ECSCR: variants seen among roughly 807,000 people sequenced by gnomAD.
ECSCR encodes the protein endothelial cell surface expressed chemotaxis and apoptosis regulator.
A neutral mutation model predicts 16.7 loss-of-function variants in ECSCR; 12 were observed. That is an observed-to-expected ratio of 0.72 (90% CI 0.46 to 1.17). The LOEUF (loss-of-function observed/expected upper bound fraction) is 1.17, where lower values mean the gene tolerates loss of function less well. Ranked by LOEUF, ECSCR falls within the 50% of genes most tolerant of loss-of-function variation. The pLI, the probability that ECSCR is intolerant of heterozygous loss-of-function variation, is 0.00. For synonymous variants in ECSCR, 44 were observed against 42.2 expected (o/e 1.04, Z -0.17); for missense variants, 122 against 116.1 (o/e 1.05, Z -0.23).
rs147581527 is a variant in ECSCR at position 139,458,771 on chromosome 5, G to A, written c.62-588C>T. Among the ~76,000 whole-genome samples the A allele has an allele frequency of 8.1e-3, 1,226 of 151,156 alleles. 18 individuals are homozygous for A. The highest frequency in any genetic ancestry group is 0.028 in the African/African-American group (1,170 of 41,130). On this transcript the variant is annotated intron_variant, in intron 1 of 9. Transcript: ENST00000618155. ...TGAGGCATGAGAATCGCTTGAACCCGGGAGGTAGAGGTTGCAGTGAGCTGA... is the reference window on the plus strand; with the variant it reads ...TGAGGCATGAGAATCGCTTGAACCCAGGAGGTAGAGGTTGCAGTGAGCTGA...
At chr5:139,459,298 G>A (rs1045688170) in intron 1 of ECSCR, among the ~76,000 whole-genome samples, 26 of 152,116 alleles carry the variant, frequency 1.7e-4, no homozygotes, top group African/African-American at 6.0e-4. Context: ...TTGCCTAGAG[G>A]TAGGGGCCTG....
At position 139,458,034 on chromosome 5, in the gene ECSCR, G is replaced by A. The variant is rs748015510; in HGVS notation, c.106+105C>T. On this transcript the variant is annotated intron_variant, in intron 2 of 9. Coordinates refer to ENST00000618155, the MANE Select transcript of ECSCR (RefSeq NM_001077693.4). ...TCCTGAGAGCTCCCGCTCCAGCTGC[G>A]GCCCCAGCCCCCTGAGGTTAAGGCT... 48 of 1,323,094 alleles carry A rather than the reference G, an allele frequency of 3.6e-5. 1 individual carries two copies. The highest frequency in any genetic ancestry group is 7.7e-5 in the South Asian group (6 of 77,996). 82.0% of individuals were successfully genotyped at this position (1,323,094 alleles called of 1,614,324 possible).
intron 8 of ECSCR, among the ~76,000 whole-genome samples, chr5:139,449,484 C>T (rs778924331): frequency 2.2e-4 from 33 of 151,974 alleles, no homozygotes; most frequent in African/African-American, 6.8e-4. Flanking sequence ...ATTACAAGCA[C>T]GTGCCACCAT....
At chr5:139,455,845 C>T (rs1015820422) in intron 5 of ECSCR, among the ~76,000 whole-genome samples, 22 of 144,044 alleles carry the variant, frequency 1.5e-4, no homozygotes, top group African/African-American at 5.7e-4. Flanking sequence ...AAAAAAAGAC[C>T]GGGCACGGTG....
chr5:139,451,690 A>T (rs2152088165), intron 8 of ECSCR, among the ~76,000 whole-genome samples: 1 of 85,988 alleles, frequency 1.2e-5, no homozygotes, highest in Non-Finnish European at 2.3e-5. Context: ...GGGGTGTGTG[A>T]TGTGGGTATG....
intron 8 of ECSCR, among the ~76,000 whole-genome samples, chr5:139,452,655 T>TAGTGTGGGGTGTGGGG: frequency 0.05 from 1 of 20 alleles, no homozygotes; most frequent in African/African-American, 0.25. Context: ...GGTGTATGCA[T>TAGTGTGGGGTGTGGGG]AGTGNNNNNN....
In ECSCR at chr5:139,448,572, A is replaced by G. The variant is rs1010854639; in HGVS notation, c.*328T>C. The G allele has an allele frequency of 6.9e-6, 3 of 434,932 alleles. No homozygotes were observed. Among genetic ancestry groups the G allele is most frequent in the South Asian group, 7.6e-5 (2 of 26,236 alleles). The allele number at this position is 434,932 out of a possible 1,614,324, so 26.9% of individuals were successfully genotyped here. On this transcript the variant is annotated 3_prime_UTR_variant, in exon 10 of 10. Transcript: ENST00000618155. ...AAAGTAATTAGACTGCAGGCTAGAA[A>G]ATAATTTTAATGCAAAGTAGAAAGT...
At chr5:139,461,288 G>C (rs753800222) in intron 1 of ECSCR, among the ~76,000 whole-genome samples, 1 of 152,180 alleles carries the variant, frequency 6.6e-6, no homozygotes, top group Non-Finnish European at 1.5e-5. Flanking sequence ...TTTTGTTTTT[G>C]CCCTGTTCTC....
chr5:139,449,185 A>T lies in ECSCR; in HGVS notation c.513-11T>A, dbSNP rs1172712762. On this transcript the variant is annotated splice_polypyrimidine_tract_variant and intron_variant, in intron 8 of 9. Transcript: ENST00000618155. ...TTGGCTGTGGAGCAGCTGGGGGAGG[A>T]AGGGGGTCTGGGTTAAAGAGAGGAG... is the stretch of plus-strand genomic sequence containing the variant. 1 of 1,535,564 alleles carries T rather than the reference A, an allele frequency of 6.5e-7. No homozygotes were observed. The highest frequency in any genetic ancestry group is 1.2e-5 in the South Asian group (1 of 84,024).
At chr5:139,454,128 G>A (rs1383948410) in intron 8 of ECSCR, among the ~76,000 whole-genome samples, 120 of 145,528 alleles carry the variant, frequency 8.2e-4, no homozygotes, top group African/African-American at 3.0e-3. Context: ...TGGGGTGTGT[G>A]GTGTGTCTGA....
intron 8 of ECSCR, among the ~76,000 whole-genome samples, chr5:139,450,918 T>C (rs1213059140): frequency 1.3e-5 from 2 of 152,222 alleles, no homozygotes; most frequent in Non-Finnish European, 2.9e-5. Flanking sequence ...CTTTTTATAT[T>C]AGAATCTGAA....
intron 8 of ECSCR, among the ~76,000 whole-genome samples, chr5:139,451,046 G>A (rs997607572): frequency 2.6e-5 from 4 of 152,090 alleles, no homozygotes; most frequent in Admixed American, 1.3e-4. Context: ...GCCCACCCCA[G>A]CCCTGGCCTC....
chr5:139,455,419 G>T lies in ECSCR; in HGVS notation c.280C>A (p.Pro94Thr). 2.5e-6 allele frequency: 1 copy of T among 398,622 alleles called. No homozygotes were observed. Among genetic ancestry groups the T allele is most frequent in the South Asian group, 1.3e-4 (1 of 7,850 alleles). 24.7% of individuals were successfully genotyped at this position (398,622 alleles called of 1,614,324 possible). The change falls in exon 6 of 10, where the codon CCC becomes ACC. Residue 94 changes from proline (P) to threonine (T), a missense_variant. Coordinates refer to ENST00000618155, the MANE Select transcript of ECSCR (RefSeq NM_001077693.4). ...GTSRDTFQTV[P>T]PNSTTMSLSM... ...AGGCTCATGGTGGTTGAATTGGGGG[G>T]AACAGTTTGAAATGTGTCTAAAATG... is the stretch of plus-strand genomic sequence containing the variant.
intron 8 of ECSCR, 120 bp from the exon 9 acceptor site, chr5:139,449,294 G>A (rs760051078): frequency 2.9e-6 from 2 of 699,916 alleles, no homozygotes; most frequent in Non-Finnish European, 4.9e-6. Context: ...TTTTGGTGGT[G>A]GATCATGATG....
chr5:139,461,580 T>C (rs899196233), intron 1 of ECSCR, among the ~76,000 whole-genome samples: 6 of 152,158 alleles, frequency 3.9e-5, no homozygotes, highest in Admixed American at 3.3e-4. Flanking sequence ...CCTCATGAGC[T>C]TCACCTGCAG....
At chr5:139,455,195 C>T (rs1401681628) in intron 6 of ECSCR, 128 bp downstream of exon 6, 2 of 397,052 alleles carry the variant, frequency 5.0e-6, no homozygotes, top group East Asian at 7.1e-5. Flanking sequence ...CCACAAGGGT[C>T]TTCCTTATCA....
intron 8 of ECSCR, among the ~76,000 whole-genome samples, chr5:139,452,281 TGG>T (rs1751074687): frequency 7.0e-6 from 1 of 142,610 alleles, no homozygotes; most frequent in African/African-American, 2.7e-5. Flanking sequence ...GTGTGGGGTG[TGG>T]GGTGTGTGGT....
intron 3 of ECSCR, 57 bp downstream of exon 3, chr5:139,457,700 G>T: frequency 8.1e-6 from 13 of 1,599,882 alleles, no homozygotes; most frequent in Non-Finnish European, 1.1e-5. Flanking sequence ...CTCCAAGCAG[G>T]TCTGAATGAA....
chr5:139,458,226 C>A, intron 1 of ECSCR, 43 bp from the exon 2 acceptor site: 3 of 1,539,598 alleles, frequency 1.9e-6, no homozygotes, highest in Non-Finnish European at 2.6e-6. Flanking sequence ...AGTCCCCTGC[C>A]CAGCACAGAG....
Sources: gnomAD v4.1 joint callset for allele counts (sites outside exome capture counted in the v4.1 genomes callset) on GRCh38, gnomAD v4.1.1 for gene constraint, MANE v1.5 for transcripts, NCBI Gene and HGNC (gene_info 2026-07-23, HGNC 2026-07-21) for gene names.